The following PPME1 variants were observed in gnomAD, a reference collection of about 807,000 sequenced individuals.
The protein encoded by PPME1 is testicular secretory protein Li 39.
A neutral mutation model predicts 56.9 loss-of-function variants in PPME1; 17 were observed. The observed-to-expected ratio is 0.30, with a 90% CI of 0.20 to 0.45. The LOEUF is 0.45. Ranked by LOEUF, PPME1 falls within the 20% of genes least tolerant of loss-of-function variation. PPME1 has a pLI of 1.00. For missense variants in PPME1, 357 were observed against 483.2 expected, an observed-to-expected ratio of 0.74 and a Z score of 2.45; for synonymous variants, 122 against 156.2, an observed-to-expected ratio of 0.78 and a Z score of 1.63.
chr11:74,231,024 C>T (rs1403678598), intron 7 of PPME1, 22 bp downstream of exon 7: 2 of 1,524,272 alleles, frequency 1.3e-6, no homozygotes, highest in Non-Finnish European at 1.8e-6. Context: ...ATCTTTGTCG[C>T]CTTTATTTAA....
chr11:74,172,731 G>C (rs1857298878), intron 1 of PPME1, among the ~76,000 whole-genome samples: 2 of 152,146 alleles, frequency 1.3e-5, no homozygotes, highest in Non-Finnish European at 2.9e-5. Flanking sequence ...AGGATTCTGG[G>C]AATTAGTGAC....
chr11:74,181,559 C>T (rs923786630), intron 1 of PPME1, among the ~76,000 whole-genome samples: 4 of 152,196 alleles, frequency 2.6e-5, no homozygotes, highest in Admixed American at 6.5e-5. Flanking sequence ...TCCTCAATAA[C>T]ATTTAGAACT....
intron 7 of PPME1, among the ~76,000 whole-genome samples, chr11:74,233,141 G>C (rs984283056): frequency 2.0e-5 from 3 of 152,078 alleles, no homozygotes. Context: ...TGCAAACAAG[G>C]AAACACATAA....
chr11:74,251,963 C>G (rs971447882), intron 13 of PPME1: 6 of 691,484 alleles, frequency 8.7e-6, no homozygotes, highest in Non-Finnish European at 1.6e-5. Flanking sequence ...TCACTCCCCA[C>G]TGTGATGTGC....
chr11:74,194,041 C>G (rs923455747), intron 1 of PPME1, among the ~76,000 whole-genome samples: 1 of 152,048 alleles, frequency 6.6e-6, no homozygotes, highest in Non-Finnish European at 1.5e-5. Flanking sequence ...GAGGGCACTA[C>G]CAGTTGGATC....
chr11:74,236,137 T>G lies in PPME1; in HGVS notation c.710+171T>G, dbSNP rs139479999. On this transcript the variant is annotated intron_variant, in intron 8 of 13. Coordinates refer to ENST00000328257, the MANE Select transcript of PPME1 (RefSeq NM_016147.3). ...GGACAGACATAGATTTTCTTTCGCC[T>G]GCCTTCCTTTCTCTCCTTCCTTTCC... is the stretch of plus-strand genomic sequence containing the variant. 22 of 1,120,098 alleles carry G rather than the reference T, an allele frequency of 2.0e-5. No individual in the cohort carries two copies. The East Asian group carries it at 4.9e-4, about 25-fold the overall frequency. The allele number at this position is 1,120,098 out of a possible 1,614,324, so 69.4% of individuals were successfully genotyped here. A position where few individuals can be genotyped will look rare whatever the true frequency, so the allele number is the denominator to read the frequency against.
At chr11:74,240,080 C>T (rs1214668230) in intron 9 of PPME1, among the ~76,000 whole-genome samples, 3 of 151,170 alleles carry the variant, frequency 2.0e-5, no homozygotes, top group African/African-American at 4.9e-5. Flanking sequence ...ACTACAGGTG[C>T]GTGCCACCAC....
intron 9 of PPME1, among the ~76,000 whole-genome samples, chr11:74,242,040 CTT>C (rs1298705755): frequency 2.6e-5 from 4 of 152,178 alleles, no homozygotes; most frequent in Non-Finnish European, 5.9e-5. Context: ...TCTAAGAAGT[CTT>C]TGCCTAAAAG....
chr11:74,224,934 A>G (rs1438640200), intron 4 of PPME1, among the ~76,000 whole-genome samples: 3 of 151,658 alleles, frequency 2.0e-5, no homozygotes, highest in Non-Finnish European at 4.4e-5. Context: ...AATACCCTTT[A>G]TTTCCTTCTC....
intron 5 of PPME1, among the ~76,000 whole-genome samples, chr11:74,229,485 G>T (rs1430014462): frequency 6.6e-6 from 1 of 152,124 alleles, no homozygotes; most frequent in Non-Finnish European, 1.5e-5. Flanking sequence ...TTTAAAATTA[G>T]ACTTTGTTAA....
rs139344912 is a variant in PPME1 at position 74,252,063 on chromosome 11, C to T, written c.1142+348C>T. ...GAGAAGTTTTCTTTGGCTTCTCCTG[C>T]CCTGCTGCCAAGGAAAGCTGGGCAG... On this transcript the variant is annotated intron_variant, in intron 13 of 13. Coordinates refer to ENST00000328257, the MANE Select transcript of PPME1 (RefSeq NM_016147.3). 8.3e-4 allele frequency among the ~76,000 whole-genome samples: 125 copies of T among 151,388 alleles called. 1 individual carries two copies. In the East Asian group the frequency reaches 0.02, roughly 24 times the overall value.
chr11:74,223,381 T>C lies in PPME1; in HGVS notation c.346+1012T>C, dbSNP rs1358316642. On this transcript the variant is annotated intron_variant, in intron 4 of 13. Coordinates refer to ENST00000328257, the MANE Select transcript of PPME1 (RefSeq NM_016147.3). Reference sequence around the variant, plus strand: ...GGTTGGTTCCAAGTCTTTGCTATTGTGAATAATGCCGCAATAAACATACGT... The same window carrying C: ...GGTTGGTTCCAAGTCTTTGCTATTGCGAATAATGCCGCAATAAACATACGT... Among the ~76,000 whole-genome samples, 158 of 149,852 alleles carry C rather than the reference T, an allele frequency of 1.1e-3. 4 individuals carry two copies. The East Asian group carries it at 0.027, about 26-fold the overall frequency.
intron 9 of PPME1, among the ~76,000 whole-genome samples, chr11:74,241,719 A>G (rs1430658724): frequency 6.6e-6 from 1 of 151,908 alleles, no homozygotes; most frequent in Non-Finnish European, 1.5e-5. Context: ...TGTGGTTTTG[A>G]TTTTCATTTT....
chr11:74,220,039 C>T (rs1353999869), intron 3 of PPME1, among the ~76,000 whole-genome samples: 1 of 152,080 alleles, frequency 6.6e-6, no homozygotes, highest in Admixed American at 6.6e-5. Flanking sequence ...TATACCCTTA[C>T]TATGTACCCA....
intron 1 of PPME1, among the ~76,000 whole-genome samples, chr11:74,189,957 C>G (rs1857790495): frequency 6.6e-6 from 1 of 152,206 alleles, no homozygotes; most frequent in Admixed American, 6.5e-5. Context: ...GTTCTGAAAA[C>G]TTCAGCCACA....
Position 74,172,334 on chromosome 11 carries a change from A to C in PPME1, c.101+812A>C, listed in dbSNP as rs546416866. On this transcript the variant is annotated intron_variant, in intron 1 of 13. Transcript: ENST00000328257. ...AAGGAGAGAACTGAAGAATTTACAG[A>C]GTGACCATAGGCTCTAAAGATTGAG... 2.6e-5 allele frequency among the ~76,000 whole-genome samples: 4 copies of C among 152,296 alleles called. No homozygotes were observed. The East Asian group carries it at 7.7e-4, about 29-fold the overall frequency.
Position 74,246,069 on chromosome 11 carries a change from C to T in PPME1, c.835-7C>T, listed in dbSNP as rs1859494754. On this transcript the variant is annotated splice_polypyrimidine_tract_variant and splice_region_variant and intron_variant, in intron 9 of 13. Coordinates refer to ENST00000328257, the MANE Select transcript of PPME1 (RefSeq NM_016147.3). The stretch of plus-strand genomic sequence containing the variant: ...CGGAGACTCAGAACTTGCTCTTATT[C>T]CTCCAGACCAAGAAAGACCATCCAT... The T allele has an allele frequency of 1.3e-6, 2 of 1,578,630 alleles. No homozygotes were observed. Among genetic ancestry groups the T allele is most frequent in the Admixed American group, 1.8e-5 (1 of 55,092 alleles).
At position 74,235,749 on chromosome 11, in the gene PPME1, G is replaced by A. The variant is rs1369278076; in HGVS notation, c.645-152G>A. 5 of 1,214,672 alleles carry A rather than the reference G, an allele frequency of 4.1e-6. No individual in the cohort carries two copies. In the Admixed American group the frequency reaches 7.6e-5, roughly 18 times the overall value. The allele number at this position is 1,214,672 out of a possible 1,614,324, so 75.2% of individuals were successfully genotyped here. A position where few individuals can be genotyped will look rare whatever the true frequency, so the allele number is the denominator to read the frequency against. On this transcript the variant is annotated intron_variant, in intron 7 of 13. Coordinates refer to ENST00000328257, the MANE Select transcript of PPME1 (RefSeq NM_016147.3). ...TACTTATAAAACCATGTAGCCAGGT[G>A]AGTAATAGTGGCAATCTCTATAGTA...
intron 3 of PPME1, among the ~76,000 whole-genome samples, chr11:74,206,704 C>G (rs1281270658): frequency 1.8e-4 from 28 of 152,032 alleles, no homozygotes. Context: ...GTAGCTAGGA[C>G]TACAGGTGTG....
Sources: gnomAD v4.1 joint callset for allele counts (sites outside exome capture counted in the v4.1 genomes callset) on GRCh38, gnomAD v4.1.1 for gene constraint, MANE v1.5 for transcripts, NCBI Gene and HGNC (gene_info 2026-07-23, HGNC 2026-07-21) for gene names.